The following DIAPH2 variants were observed in gnomAD, a reference collection of about 807,000 sequenced individuals.
DIAPH2 encodes protein diaphanous homolog 2.
A neutral mutation model predicts 92.7 loss-of-function variants in DIAPH2; 35 were observed. The ratio of observed to expected loss-of-function variants is 0.38; its 90% CI spans 0.29 to 0.50. The LOEUF (loss-of-function observed/expected upper bound fraction) is 0.50, where lower values mean the gene tolerates loss of function less well. Among genes scored for constraint, DIAPH2 ranks in the 20% least tolerant of loss-of-function variants. DIAPH2 has a pLI of 0.94. For missense variants in DIAPH2, 701 were observed against 819.5 expected, an observed-to-expected ratio of 0.86 and a Z score of 1.77; for synonymous variants, 301 against 280.4, an observed-to-expected ratio of 1.07 and a Z score of -0.73.
At chrX:96,692,223 C>T (rs2063801491) in intron 1 of DIAPH2, among the ~76,000 whole-genome samples, 1 of 111,895 alleles carries the variant, frequency 8.9e-6, no homozygotes, top group South Asian at 3.7e-4. Flanking sequence ...CATTTTGCAA[C>T]ATTTGCTTGA....
chrX:97,505,687 A>C (rs965207839), intron 26 of DIAPH2, among the ~76,000 whole-genome samples: 1 of 109,985 alleles, frequency 9.1e-6, no homozygotes, highest in Non-Finnish European at 1.9e-5. Context: ...TAGAACATTT[A>C]AATTTATCTT....
At chrX:97,509,357 T>A (rs2070863689) in intron 26 of DIAPH2, among the ~76,000 whole-genome samples, 1 of 108,354 alleles carries the variant, frequency 9.2e-6, no homozygotes, top group African/African-American at 3.3e-5. Context: ...CAAATTTATT[T>A]AATATACGTA....
intron 22 of DIAPH2, among the ~76,000 whole-genome samples, chrX:97,201,131 A>ACCCCCC (rs58996513): frequency 5.8e-5 from 4 of 68,903 alleles, no homozygotes; most frequent in African/African-American, 2.3e-4. Flanking sequence ...AACAAGAAAG[A>ACCCCCC]CCCCCCCCCC....
rs775206145 is a variant in DIAPH2 at position 97,247,795 on chromosome X, C to T, written c.2800C>T (p.Pro934Ser). 5 of 1,205,992 alleles carry T rather than the reference C, an allele frequency of 4.1e-6. No homozygotes were observed. In the East Asian group the frequency reaches 8.9e-5, roughly 22 times the overall value. Residue 934 changes from proline (P) to serine (S), a missense_variant, in exon 23 of 27, where the codon CCC becomes TCC. Pro to Ser is a moderately conservative substitution (Grantham distance 74). Transcript: ENST00000324765. ...VHLERDIKKFPQAENQHDKFV... is the reference protein window; with the variant it reads ...VHLERDIKKFSQAENQHDKFV... ...TCTGGAACGTGACATCAAGAAATTC[C>T]CCCAAGCAGAAAATCAACACGATAA...
rs2065921332 is a variant in DIAPH2, at chrX:96,970,437, C to T, written c.2050+5230C>T. 3.6e-5 allele frequency among the ~76,000 whole-genome samples: 4 copies of T among 110,459 alleles called. No homozygotes were observed. In the Middle Eastern group the frequency reaches 0.014, roughly 385 times the overall value. Reference sequence around the variant, plus strand: ...TTGTGGAACTCAATATTTGTCTGTTCCGGGTTTCAGCTTCTTCCCGATTCA... The same window carrying T: ...TTGTGGAACTCAATATTTGTCTGTTTCGGGTTTCAGCTTCTTCCCGATTCA... On this transcript the variant is annotated intron_variant, in intron 17 of 26. Coordinates refer to ENST00000324765, the MANE Select transcript of DIAPH2 (RefSeq NM_006729.5).
chrX:96,956,326 C>T (rs2065810309), intron 15 of DIAPH2, among the ~76,000 whole-genome samples: 1 of 107,092 alleles, frequency 9.3e-6, no homozygotes, highest in Admixed American at 1.0e-4. Flanking sequence ...GGACCTGGCA[C>T]AGGAAACTAT....
At chrX:97,123,707 A>G (rs50647) in intron 21 of DIAPH2, among the ~76,000 whole-genome samples, 2,004 of 112,233 alleles carry the variant, frequency 0.018, 34 homozygotes, top group African/African-American at 0.061. Flanking sequence ...TCTGAACCAA[A>G]CACAGGCCAC....
chrX:96,863,947 T>C (rs781099801), intron 4 of DIAPH2, among the ~76,000 whole-genome samples: 4 of 110,596 alleles, frequency 3.6e-5, no homozygotes, highest in East Asian at 5.7e-4. Context: ...CCTATTGTTT[T>C]AGCTACTCCG....
intron 22 of DIAPH2, among the ~76,000 whole-genome samples, chrX:97,189,439 C>G (rs1025207582): frequency 1.1e-5 from 1 of 90,818 alleles, no homozygotes; most frequent in Non-Finnish European, 2.2e-5. Flanking sequence ...GTCCCCCCCC[C>G]TCCCTCCCTC....
intron 5 of DIAPH2, among the ~76,000 whole-genome samples, chrX:96,894,384 G>A (rs1240561916): frequency 9.0e-6 from 1 of 110,980 alleles, no homozygotes; most frequent in Non-Finnish European, 1.9e-5. Context: ...AGATTGGAGT[G>A]CTGTAGTTAA....
chrX:97,047,982 T>C (rs2066496065), intron 17 of DIAPH2, among the ~76,000 whole-genome samples: 1 of 110,645 alleles, frequency 9.0e-6, no homozygotes, highest in South Asian at 3.9e-4. Flanking sequence ...TAAATAGGTA[T>C]TCAAATGATT....
intron 23 of DIAPH2, among the ~76,000 whole-genome samples, chrX:97,274,229 G>A (rs1009503108): frequency 3.6e-5 from 4 of 111,180 alleles, no homozygotes; most frequent in Non-Finnish European, 1.9e-5. Context: ...AACATAACTA[G>A]CCAGGCACGG....
chrX:97,589,028 A>AT (rs1569430281), intron 26 of DIAPH2, among the ~76,000 whole-genome samples: 9 of 9,677 alleles, frequency 9.3e-4, no homozygotes, highest in African/African-American at 1.4e-3. Flanking sequence ...TATATATATA[A>AT]AAGAATCAGA....
intron 23 of DIAPH2, among the ~76,000 whole-genome samples, chrX:97,257,741 C>G (rs751823570): frequency 9.0e-6 from 1 of 110,881 alleles, no homozygotes; most frequent in Admixed American, 9.6e-5. Context: ...GACTGTTTAC[C>G]CAGTCATAAA....
At chrX:97,365,248 C>T (rs370228922) in intron 24 of DIAPH2, among the ~76,000 whole-genome samples, 13 of 111,632 alleles carry the variant, frequency 1.2e-4, no homozygotes, top group East Asian at 8.4e-4. Flanking sequence ...CTCACTTTAA[C>T]GGCCCAAGTT....
At chrX:97,283,989 A>G (rs1199076225) in intron 23 of DIAPH2, among the ~76,000 whole-genome samples, 1 of 112,118 alleles carries the variant, frequency 8.9e-6, no homozygotes, top group Non-Finnish European at 1.9e-5. Context: ...CTAATATGTC[A>G]TGAGCATTGA....
At chrX:96,717,760 C>G (rs1466879243) in intron 1 of DIAPH2, among the ~76,000 whole-genome samples, 1 of 89,741 alleles carries the variant, frequency 1.1e-5, no homozygotes, top group East Asian at 3.5e-4. Flanking sequence ...TGCTGGGGTT[C>G]TTTGGGCTTT....
At chrX:97,267,078 C>G (rs1215238377) in intron 23 of DIAPH2, among the ~76,000 whole-genome samples, 1 of 111,972 alleles carries the variant, frequency 8.9e-6, no homozygotes. Context: ...AAGAAATGAT[C>G]TGTTTCACAT....
At chrX:97,522,993 A>C (rs1456027745) in intron 26 of DIAPH2, among the ~76,000 whole-genome samples, 1 of 112,113 alleles carries the variant, frequency 8.9e-6, no homozygotes, top group Non-Finnish European at 1.9e-5. Flanking sequence ...CTACTTTATT[A>C]TCCAAGGTGT....
Sources: gnomAD v4.1 joint callset for allele counts (sites outside exome capture counted in the v4.1 genomes callset) on GRCh38, gnomAD v4.1.1 for gene constraint, MANE v1.5 for transcripts, NCBI Gene and HGNC (gene_info 2026-07-23, HGNC 2026-07-21) for gene names.